Variants in ADGRG2 observed in about 807,000 individuals in gnomAD.
ADGRG2 encodes the protein G protein-coupled receptor 64.
Under a neutral mutation model 74.1 loss-of-function variants are expected in ADGRG2, and 26 were observed. The ratio of observed to expected loss-of-function variants is 0.35; its 90% CI spans 0.26 to 0.49. The LOEUF is 0.49. Ranked by LOEUF, ADGRG2 falls within the 20% of genes least tolerant of loss-of-function variation. ADGRG2 has a pLI of 0.99. For missense variants in ADGRG2, 619 were observed against 763.1 expected, an observed-to-expected ratio of 0.81 and a Z score of 2.22; for synonymous variants, 296 against 295.2, an observed-to-expected ratio of 1.00 and a Z score of -0.03.
chrX:19,097,861 T>C (rs1186311495), intron 1 of ADGRG2, among the ~76,000 whole-genome samples: 1 of 112,789 alleles, frequency 8.9e-6, no homozygotes, highest in Non-Finnish European at 1.9e-5. Flanking sequence ...AACTGTGCCC[T>C]TTTGGGTTGT....
intron 1 of ADGRG2, among the ~76,000 whole-genome samples, chrX:19,103,939 G>A (rs1230845000): frequency 9.0e-6 from 1 of 111,343 alleles, no homozygotes; most frequent in Non-Finnish European, 1.9e-5. Flanking sequence ...CCTATCACAC[G>A]TCTGAACATA....
At position 19,022,823 on chromosome X, in the gene ADGRG2, AGTAGC is replaced by A. The variant is rs772968913; in HGVS notation, c.548+588_548+592del. Among the ~76,000 whole-genome samples the A allele has an allele frequency of 6.8e-3, 753 of 111,511 alleles. 1 individual carries two copies. Among genetic ancestry groups the A allele is most frequent in the South Asian group, 0.015 (39 of 2,639 alleles). On this transcript the variant is annotated intron_variant, in intron 13 of 28. Transcript: ENST00000379869. ...GTGATTCTTGTGCCTCAGCCTCCTG[AGTAGC>A]TGGGATTACAAGAGCCCGCCACCAT...
intron 1 of ADGRG2, among the ~76,000 whole-genome samples, chrX:19,121,086 G>T: frequency 9.0e-6 from 1 of 111,395 alleles, no homozygotes; most frequent in Middle Eastern, 4.6e-3. Context: ...AGGTCTGAAA[G>T]AAACATTTAC....
intron 1 of ADGRG2, among the ~76,000 whole-genome samples, chrX:19,107,639 T>TC (rs1555912929): frequency 1.2e-5 from 1 of 86,418 alleles, no homozygotes; most frequent in African/African-American, 6.9e-5. Flanking sequence ...TGTTTTTTGT[T>TC]TTTTTTTTTT....
At chrX:19,055,813 A>C (rs974227199) in intron 3 of ADGRG2, among the ~76,000 whole-genome samples, 6 of 107,044 alleles carry the variant, frequency 5.6e-5, no homozygotes, top group African/African-American at 2.1e-4. Flanking sequence ...GGATCACTGC[A>C]ACCTCCGCCT....
At chrX:19,115,475 G>A (rs749819036) in intron 1 of ADGRG2, among the ~76,000 whole-genome samples, 1 of 111,920 alleles carries the variant, frequency 8.9e-6, no homozygotes, top group Non-Finnish European at 1.9e-5. Context: ...TGGGGAGTAC[G>A]GTTTTAGAAT....
chrX:19,026,685 G>A (rs1205596935), intron 11 of ADGRG2, among the ~76,000 whole-genome samples: 2 of 110,349 alleles, frequency 1.8e-5, no homozygotes, highest in Non-Finnish European at 3.8e-5. Context: ...TAGTAGAGAT[G>A]GGATTTCACC....
At chrX:19,040,259 C>A in intron 3 of ADGRG2, 35 bp from the exon 4 acceptor site, 2 of 968,977 alleles carry the variant, frequency 2.1e-6, no homozygotes, top group Non-Finnish European at 2.9e-6. Context: ...GAATTAGTTT[C>A]ATGAGGACTA....
At chrX:19,045,347 G>A (rs1324706072) in intron 3 of ADGRG2, among the ~76,000 whole-genome samples, 1 of 101,721 alleles carries the variant, frequency 9.8e-6, no homozygotes, top group Non-Finnish European at 2.0e-5. Context: ...TCGCTCTGTC[G>A]CCCAGGCTGG....
intron 8 of ADGRG2, 76 bp from the exon 9 acceptor site, chrX:19,031,113 A>G (rs1295922680): frequency 1.4e-6 from 1 of 695,386 alleles, no homozygotes; most frequent in South Asian, 2.3e-5. Flanking sequence ...AAGAGAATTC[A>G]TAAACGTAGG....
At chrX:19,020,060 T>A (rs1208161297) in intron 14 of ADGRG2, among the ~76,000 whole-genome samples, 1 of 111,461 alleles carries the variant, frequency 9.0e-6, no homozygotes, top group African/African-American at 3.3e-5. Context: ...AGTGAAATGC[T>A]GTTTACTGGG....
In ADGRG2 at chrX:19,008,036, T is replaced by C; in HGVS notation, c.1510A>G (p.Met504Val). 4 of 1,193,777 alleles carry C rather than the reference T, an allele frequency of 3.4e-6. No homozygotes were observed. The highest frequency in any genetic ancestry group is 4.5e-6 in the Non-Finnish European group (4 of 879,610). The change falls in exon 19 of 29, where the codon ATG (methionine) becomes GTG (valine). Residue 504 changes from methionine (M) to valine (V), a missense_variant. Coordinates refer to ENST00000379869, the MANE Select transcript of ADGRG2 (RefSeq NM_001079858.3). Reference protein sequence around the residue: ...SLMNNLPAHDMELASRVQFNF... With the variant: ...SLMNNLPAHDVELASRVQFNF... ...AACTGAACCCTGGAAGCTAGCTCCA[T>C]GTCATGAGCTGGTAAATTATTCATC...
At chrX:19,005,956 A>C in intron 22 of ADGRG2, 46 bp downstream of exon 22, 96 of 707,322 alleles carry the variant, frequency 1.4e-4, no homozygotes, top group Non-Finnish European at 2.1e-4. Flanking sequence ...ATGCCCAGCT[A>C]CCCCTCAGAC....
At chrX:19,119,473 A>AT (rs2062578138) in intron 1 of ADGRG2, among the ~76,000 whole-genome samples, 1 of 111,662 alleles carries the variant, frequency 9.0e-6, no homozygotes, top group African/African-American at 3.3e-5. Context: ...TCAGTGAAGC[A>AT]TAAAAACTAG....
chrX:19,089,532 CAATGT>C (rs1410054270), intron 1 of ADGRG2, among the ~76,000 whole-genome samples: 1 of 111,762 alleles, frequency 8.9e-6, no homozygotes, highest in African/African-American at 3.3e-5. Flanking sequence ...AAAATCCATG[CAATGT>C]GATTTTGTTG....
chrX:19,049,455 T>TTTTTTTTTTTGTTTTTTTTTTTTG (rs1328733136), intron 3 of ADGRG2, among the ~76,000 whole-genome samples: 1 of 91,003 alleles, frequency 1.1e-5, no homozygotes, highest in African/African-American at 4.8e-5. Context: ...TTTTTTTTTT[T>TTTTTTTTTTTGTTTTTTTTTTTTG]TTGTTGTTGT....
chrX:19,111,030 G>A (rs1174291836), intron 1 of ADGRG2, among the ~76,000 whole-genome samples: 1 of 111,848 alleles, frequency 8.9e-6, no homozygotes, highest in Non-Finnish European at 1.9e-5. Context: ...GGAGTAGAGA[G>A]AAGTGGGAAG....
intron 1 of ADGRG2, among the ~76,000 whole-genome samples, chrX:19,088,628 C>T (rs923903170): frequency 9.0e-6 from 1 of 111,207 alleles, no homozygotes; most frequent in Non-Finnish European, 1.9e-5. Context: ...GCTGGGACTA[C>T]AGACACATGC....
rs757831265 is a variant in ADGRG2, at chrX:19,008,042, G to C, written c.1504C>G (p.His502Asp). The stretch of plus-strand genomic sequence containing the variant: ...ACCCTGGAAGCTAGCTCCATGTCAT[G>C]AGCTGGTAAATTATTCATCAGCGAT... ...PSSLMNNLPAHDMELASRVQF... is the reference protein window; with the variant it reads ...PSSLMNNLPADDMELASRVQF... Residue 502 changes from histidine to aspartate, a missense_variant, in exon 19 of 29, where the codon CAT (histidine) becomes GAT (aspartate). By Grantham distance (81) the His-to-Asp change is moderately conservative. Around this residue, in one of 3 missense-constraint regions of ADGRG2, gnomAD observed 221 missense variants for 340.6 expected, o/e 0.65. Coordinates refer to ENST00000379869, the MANE Select transcript of ADGRG2 (RefSeq NM_001079858.3). 1 of 1,197,113 alleles carries C rather than the reference G, an allele frequency of 8.4e-7. No homozygotes were observed. Among genetic ancestry groups the C allele is most frequent in the African/African-American group, 1.8e-5 (1 of 56,806 alleles).
Sources: allele counts gnomAD v4.1 joint callset (sites outside exome capture counted in the v4.1 genomes callset), GRCh38; gene constraint gnomAD v4.1.1; regional missense constraint gnomAD v4.1.1; transcripts MANE v1.5; gene names NCBI Gene and HGNC (gene_info 2026-07-23, HGNC 2026-07-21).